MED13L: variants seen among roughly 807,000 people sequenced by gnomAD.
MED13L encodes the protein mediator complex subunit 13L.
Under a neutral mutation model 220.9 loss-of-function variants are expected in MED13L, and 7 were observed. That is an observed-to-expected ratio of 0.03 (90% CI 0.02 to 0.06). The LOEUF (loss-of-function observed/expected upper bound fraction) is 0.06. Among genes scored for constraint, MED13L ranks in the 10% least tolerant of loss-of-function variants. The pLI, the probability that MED13L is intolerant of heterozygous loss-of-function variation, is 1.00. For missense variants in MED13L, 1,965 were observed against 2,760.5 expected (o/e 0.71, Z 6.46); for synonymous variants, 1,011 against 1,015.2 (o/e 1.00, Z 0.08).
At chr12:116,131,910 T>C (rs1014655946) in intron 2 of MED13L, among the ~76,000 whole-genome samples, 1 of 151,826 alleles carries the variant, frequency 6.6e-6, no homozygotes, top group South Asian at 2.1e-4. Context: ...TGAGCCTAGG[T>C]GGCCAGAGGT....
intron 9 of MED13L, among the ~76,000 whole-genome samples, chr12:116,010,076 T>G (rs1262957322): frequency 1.3e-5 from 2 of 152,142 alleles, no homozygotes; most frequent in African/African-American, 4.8e-5. Context: ...AACGGATTTG[T>G]GGGGCATAAT....
intron 2 of MED13L, among the ~76,000 whole-genome samples, chr12:116,127,388 C>T (rs992745465): frequency 1.2e-4 from 19 of 152,164 alleles, no homozygotes; most frequent in Non-Finnish European, 4.4e-5. Context: ...CTCAACTTTT[C>T]AGATGTGTGC....
chr12:115,966,094 A>C lies in MED13L; in HGVS notation c.6375T>G (p.Pro2125=), dbSNP rs1298386976. 3 of 1,614,128 alleles carry C rather than the reference A, an allele frequency of 1.9e-6. No homozygotes were observed. The East Asian group carries it at 6.7e-5, about 36-fold the overall frequency. Residue 2125 remains proline, a synonymous_variant, in exon 29 of 31, where the codon CCT becomes CCG. Transcript: ENST00000281928. ...SSCPQAQNQC[P]LFLKASLHHH... is the part of the protein sequence containing the mutation. ...ACACCAAACCAACCTTTAAGAAGAG[A>C]GGGCACTGGTTTTGAGCCTGGGGAC...
chr12:116,157,157 T>C (rs1461096892), intron 2 of MED13L, among the ~76,000 whole-genome samples: 2 of 152,214 alleles, frequency 1.3e-5, no homozygotes, highest in African/African-American at 4.8e-5. Flanking sequence ...CTTTGTCGTA[T>C]TTCCCATACT....
At chr12:115,990,488 T>C (rs1877984340) in intron 17 of MED13L, among the ~76,000 whole-genome samples, 1 of 152,220 alleles carries the variant, frequency 6.6e-6, no homozygotes, top group South Asian at 2.1e-4. Flanking sequence ...TTGGCACTCT[T>C]ACAGCCCAAC....
At chr12:116,176,939 T>C (rs1399147611) in intron 2 of MED13L, among the ~76,000 whole-genome samples, 4 of 147,170 alleles carry the variant, frequency 2.7e-5, no homozygotes, top group Non-Finnish European at 6.0e-5. Context: ...GAGTATAAGA[T>C]AGCCATTCCA....
chr12:116,251,308 CTTTTTTT>C (rs61533775), intron 1 of MED13L, among the ~76,000 whole-genome samples: 9 of 87,892 alleles, frequency 1.0e-4, no homozygotes, highest in East Asian at 7.8e-4. Flanking sequence ...ATCATGGATC[CTTTTTTT>C]TTTTTTTTTT....
At chr12:116,006,214 T>C in intron 12 of MED13L, 92 bp downstream of exon 12, 1 of 1,316,568 alleles carries the variant, frequency 7.6e-7, no homozygotes. Context: ...AAATTCTTAT[T>C]ACAATAAGAA....
intron 1 of MED13L, among the ~76,000 whole-genome samples, chr12:116,261,123 C>G (rs1872482696): frequency 1.3e-5 from 2 of 152,170 alleles, no homozygotes; most frequent in Non-Finnish European, 2.9e-5. Flanking sequence ...ACCCATTGCA[C>G]CAGACTTGCC....
intron 1 of MED13L, among the ~76,000 whole-genome samples, chr12:116,240,768 C>A (rs1190937105): frequency 6.6e-6 from 1 of 151,416 alleles, no homozygotes; most frequent in African/African-American, 2.4e-5. Context: ...ACCTCGTGAC[C>A]CGCCCACCTC....
intron 4 of MED13L, among the ~76,000 whole-genome samples, chr12:116,073,889 A>G (rs1172095830): frequency 6.6e-6 from 1 of 152,230 alleles, no homozygotes; most frequent in African/African-American, 2.4e-5. Flanking sequence ...ATCTGAATGC[A>G]TGAAATTAAC....
chr12:116,040,924 G>A (rs996869544), intron 4 of MED13L, among the ~76,000 whole-genome samples: 1 of 152,160 alleles, frequency 6.6e-6, no homozygotes, highest in Non-Finnish European at 1.5e-5. Flanking sequence ...TACAGAATTA[G>A]TACGGGAGGG....
At chr12:116,055,827 G>A (rs1868911260) in intron 4 of MED13L, among the ~76,000 whole-genome samples, 3 of 152,028 alleles carry the variant, frequency 2.0e-5, no homozygotes, top group East Asian at 3.9e-4. Flanking sequence ...CCCAGGAGGC[G>A]GAGGTTGCAG....
At chr12:116,121,194 GT>G (rs1044308346) in intron 2 of MED13L, among the ~76,000 whole-genome samples, 5 of 152,214 alleles carry the variant, frequency 3.3e-5, no homozygotes, top group African/African-American at 1.2e-4. Flanking sequence ...GTATATAAAT[GT>G]TTTTTAACAG....
chr12:116,194,897 T>C (rs555480314), intron 2 of MED13L, among the ~76,000 whole-genome samples: 36 of 152,208 alleles, frequency 2.4e-4, no homozygotes, highest in African/African-American at 8.4e-4. Flanking sequence ...AGCATCACCA[T>C]GAAACAGAAA....
intron 4 of MED13L, among the ~76,000 whole-genome samples, chr12:116,062,224 C>T (rs944483385): frequency 6.6e-6 from 1 of 151,956 alleles, no homozygotes; most frequent in South Asian, 2.1e-4. Flanking sequence ...GCAATCTCAG[C>T]TCACTGCAAC....
intron 2 of MED13L, among the ~76,000 whole-genome samples, chr12:116,213,110 T>C (rs1356233664): frequency 6.6e-6 from 1 of 152,182 alleles, no homozygotes; most frequent in African/African-American, 2.4e-5. Flanking sequence ...TTGCACGGCT[T>C]GATGAACTTC....
At chr12:115,996,254 C>A (rs1878396959) in intron 16 of MED13L, among the ~76,000 whole-genome samples, 1 of 152,030 alleles carries the variant, frequency 6.6e-6, no homozygotes, top group African/African-American at 2.4e-5. Context: ...CCAAGCCCAG[C>A]TAATTTTTTG....
At chr12:116,064,865 T>C (rs914688422) in intron 4 of MED13L, among the ~76,000 whole-genome samples, 1 of 152,178 alleles carries the variant, frequency 6.6e-6, no homozygotes, top group African/African-American at 2.4e-5. Flanking sequence ...AAGGGCCCCA[T>C]CCATTTTGTC....
Sources: gnomAD v4.1 joint callset for allele counts (sites outside exome capture counted in the v4.1 genomes callset) on GRCh38, gnomAD v4.1.1 for gene constraint, MANE v1.5 for transcripts, NCBI Gene and HGNC (gene_info 2026-07-23, HGNC 2026-07-21) for gene names.